The following ADAMTSL1 variants were observed in gnomAD, a reference collection of about 807,000 sequenced individuals.
The protein encoded by ADAMTSL1 is ADAMTS like 1, also known as ADAMTS-like protein 1.
In ADAMTSL1, 126 loss-of-function variants were observed where a neutral mutation model predicts 201.8. The observed-to-expected ratio is 0.62, with a 90% CI of 0.54 to 0.72. The LOEUF (loss-of-function observed/expected upper bound fraction) is 0.72. Among genes scored for constraint, ADAMTSL1 ranks in the 30% least tolerant of loss-of-function variants. The pLI, the probability that ADAMTSL1 is intolerant of heterozygous loss-of-function variation, is 0.00. For synonymous variants in ADAMTSL1, 1,121 were observed against 903.4 expected (o/e 1.24, Z -4.32); for missense variants, 2,679 against 2,277.8 (o/e 1.18, Z -3.59).
At chr9:18,892,306 G>A (rs1829328423) in intron 25 of ADAMTSL1, 83 bp from the exon 26 acceptor site, 2 of 1,394,588 alleles carry the variant, frequency 1.4e-6, no homozygotes, top group Admixed American at 2.1e-5. Context: ...AGTGGCAAGA[G>A]CAGGGATGTC....
chr9:17,993,608 T>A (rs1206374515), intron 1 of ADAMTSL1, among the ~76,000 whole-genome samples: 2 of 152,190 alleles, frequency 1.3e-5, no homozygotes, highest in East Asian at 3.9e-4. Flanking sequence ...CTCAACTTGG[T>A]CACCCTTAGT....
At chr9:18,225,993 A>G (rs894589918) in intron 2 of ADAMTSL1, among the ~76,000 whole-genome samples, 1 of 151,948 alleles carries the variant, frequency 6.6e-6, no homozygotes, top group Admixed American at 6.6e-5. Flanking sequence ...AGTAAAATTT[A>G]TGTTTTTGAG....
At chr9:18,076,929 G>T (rs1007169340) in intron 1 of ADAMTSL1, among the ~76,000 whole-genome samples, 1 of 152,094 alleles carries the variant, frequency 6.6e-6, no homozygotes, top group Non-Finnish European at 1.5e-5. Context: ...GACAAGAAAT[G>T]GACCGATTGA....
intron 1 of ADAMTSL1, among the ~76,000 whole-genome samples, chr9:17,937,515 A>C (rs1229741872): frequency 6.6e-6 from 1 of 151,988 alleles, no homozygotes; most frequent in African/African-American, 2.4e-5. Flanking sequence ...CATTGTTTCT[A>C]TGGGAAAAAA....
chr9:18,428,577 A>T (rs1819338936), intron 2 of ADAMTSL1, among the ~76,000 whole-genome samples: 1 of 152,168 alleles, frequency 6.6e-6, no homozygotes, highest in Non-Finnish European at 1.5e-5. Flanking sequence ...CTGTGATGAC[A>T]CCAGTGCATT....
intron 16 of ADAMTSL1, among the ~76,000 whole-genome samples, chr9:18,756,987 G>A (rs967788761): frequency 7.2e-5 from 11 of 152,160 alleles, no homozygotes; most frequent in South Asian, 2.1e-4. Context: ...CTGCAGGTCC[G>A]GAGAGGACCT....
At chr9:18,174,030 T>C (rs1453022083) in intron 2 of ADAMTSL1, among the ~76,000 whole-genome samples, 2 of 152,156 alleles carry the variant, frequency 1.3e-5, no homozygotes, top group Non-Finnish European at 2.9e-5. Context: ...TTTAGTATAG[T>C]TATAAATGTA....
intron 1 of ADAMTSL1, among the ~76,000 whole-genome samples, chr9:18,498,311 G>A (rs1822633631): frequency 6.6e-6 from 1 of 151,240 alleles, no homozygotes; most frequent in South Asian, 2.1e-4. Flanking sequence ...ACCATATTAT[G>A]AGAAGTATCA....
At chr9:18,597,567 A>G (rs766347868) in intron 4 of ADAMTSL1, among the ~76,000 whole-genome samples, 1 of 152,236 alleles carries the variant, frequency 6.6e-6, no homozygotes, top group Non-Finnish European at 1.5e-5. Flanking sequence ...TAGGCAAAGT[A>G]GAATTCAGGA....
chr9:18,469,582 A>G (rs7867691), upstream of ADAMTSL1, among the ~76,000 whole-genome samples: 2,462 of 152,346 alleles, frequency 0.016, 64 homozygotes, highest in African/African-American at 0.056. Context: ...ACAGCCAGGA[A>G]GTCATCTGCT....
chr9:18,853,889 C>CTCTGTGTGTGTGTGTG (rs1314550014), intron 23 of ADAMTSL1, among the ~76,000 whole-genome samples: 1 of 120,366 alleles, frequency 8.3e-6, no homozygotes, highest in African/African-American at 2.6e-5. Context: ...TATTCACTCT[C>CTCTGTGTGTGTGTGTG]TGTGTGTGTG....
At chr9:17,965,349 A>G (rs1356620543) in intron 1 of ADAMTSL1, among the ~76,000 whole-genome samples, 1 of 152,180 alleles carries the variant, frequency 6.6e-6, no homozygotes, top group Non-Finnish European at 1.5e-5. Context: ...TTGTACCTCT[A>G]GAGAATATAC....
intron 1 of ADAMTSL1, among the ~76,000 whole-genome samples, chr9:18,021,482 G>C (rs1375296581): frequency 6.6e-6 from 1 of 152,052 alleles, no homozygotes; most frequent in Non-Finnish European, 1.5e-5. Flanking sequence ...ATTACTAATT[G>C]TAAGAGCTTC....
chr9:18,908,463 G>C lies in ADAMTSL1; in HGVS notation c.5204G>C (p.Arg1735Thr). The C allele has an allele frequency of 6.4e-7, 1 of 1,560,062 alleles. No individual in the cohort carries two copies. The highest frequency in any genetic ancestry group is 8.7e-7 in the Non-Finnish European group (1 of 1,152,076). ...CCAGTGGAGTGCAGAGACACCACCAGGTACTGCGAGAAGGTGAAACAGCTG... is the reference window on the plus strand; with the variant it reads ...CCAGTGGAGTGCAGAGACACCACCACGTACTGCGAGAAGGTGAAACAGCTG... The part of the protein sequence containing the change: ...CENMECRDTT[R>T]YCEKVKQLKL... The change falls in exon 29 of 29, where the codon AGG becomes ACG. Residue 1735 changes from arginine (R) to threonine (T), a missense_variant. By Grantham distance (71) the Arg-to-Thr change is moderately conservative (BLOSUM62 -1). Coordinates refer to ENST00000380548, the MANE Select transcript of ADAMTSL1 (RefSeq NM_001040272.6).
chr9:18,450,738 A>G (rs1206405490), intron 2 of ADAMTSL1, among the ~76,000 whole-genome samples: 1 of 152,170 alleles, frequency 6.6e-6, no homozygotes, highest in Non-Finnish European at 1.5e-5. Flanking sequence ...ACAACCTCTG[A>G]AGTGATTCAT....
intron 1 of ADAMTSL1, among the ~76,000 whole-genome samples, chr9:17,933,957 C>G (rs1826902390): frequency 6.6e-6 from 1 of 152,128 alleles, no homozygotes; most frequent in Non-Finnish European, 1.5e-5. Context: ...CTGTTTGGTT[C>G]AAATCACTTC....
Position 18,273,827 on chromosome 9 carries a change from G to C in ADAMTSL1, c.207+109846G>C, listed in dbSNP as rs535832115. ...CATATCTTATTACCTAATTCTGAGT[G>C]ATCAGTCTTCCACTGTTGAGTATCA... On this transcript the variant is annotated intron_variant, in intron 2 of 29. Coordinates refer to the ADAMTSL1 transcript ENST00000680146. Among the ~76,000 whole-genome samples, 8 of 152,324 alleles carry C rather than the reference G, an allele frequency of 5.3e-5. 1 individual carries two copies. The South Asian group carries it at 1.7e-3, about 32-fold the overall frequency.
intron 1 of ADAMTSL1, among the ~76,000 whole-genome samples, chr9:18,031,275 G>A (rs1483925921): frequency 6.6e-6 from 1 of 152,116 alleles, no homozygotes; most frequent in Non-Finnish European, 1.5e-5. Context: ...GGAGGCTGGT[G>A]TTTATTTTCC....
intron 2 of ADAMTSL1, among the ~76,000 whole-genome samples, chr9:18,341,340 C>G (rs1835456855): frequency 2.0e-5 from 3 of 152,038 alleles, no homozygotes; most frequent in Admixed American, 2.0e-4. Context: ...TATGCTGTTC[C>G]CTTTGCCTAT....
Sources: allele counts gnomAD v4.1 joint callset (sites outside exome capture counted in the v4.1 genomes callset), GRCh38; gene constraint gnomAD v4.1.1; transcripts MANE v1.5; gene names NCBI Gene and HGNC (gene_info 2026-07-23, HGNC 2026-07-21).